The following PTPRN2 variants were observed in gnomAD, a reference collection of about 807,000 sequenced individuals.
PTPRN2 encodes receptor-type tyrosine-protein phosphatase N2.
PTPRN2 carries 74 observed loss-of-function variants against 118.8 expected under a neutral mutation model. The observed-to-expected ratio is 0.62, with a 90% CI of 0.52 to 0.76. The LOEUF (loss-of-function observed/expected upper bound fraction) is 0.76, where lower values mean the gene tolerates loss of function less well. Among genes scored for constraint, PTPRN2 ranks in the 30% least tolerant of loss-of-function variants. The pLI is 0.00. For missense variants in PTPRN2, 1,481 were observed against 1,394.4 expected, an observed-to-expected ratio of 1.06 and a Z score of -0.99; for synonymous variants, 641 against 608.0, an observed-to-expected ratio of 1.05 and a Z score of -0.80.
intron 12 of PTPRN2, among the ~76,000 whole-genome samples, chr7:157,695,975 T>A (rs1797750567): frequency 6.7e-6 from 1 of 148,576 alleles, no homozygotes; most frequent in Non-Finnish European, 1.5e-5. Flanking sequence ...GCATACTGGG[T>A]CTTGGCAGAG....
chr7:157,939,412 T>C (rs1799912410), intron 11 of PTPRN2, among the ~76,000 whole-genome samples: 1 of 152,248 alleles, frequency 6.6e-6, no homozygotes. Context: ...AGAGCTGCTC[T>C]AGAGACCAGG....
intron 2 of PTPRN2, among the ~76,000 whole-genome samples, chr7:158,489,032 G>A (rs558381340): frequency 2.6e-5 from 4 of 152,252 alleles, no homozygotes; most frequent in Non-Finnish European, 5.9e-5. Flanking sequence ...TGCAGGACCC[G>A]CTGCTCGCCG....
chr7:158,257,237 C>T (rs532898222), intron 3 of PTPRN2, among the ~76,000 whole-genome samples: 2 of 152,314 alleles, frequency 1.3e-5, no homozygotes, highest in Admixed American at 6.5e-5. Flanking sequence ...GCTCAGGACG[C>T]AGTCAGACGC....
chr7:157,668,302 G>A (rs558131736), intron 13 of PTPRN2, among the ~76,000 whole-genome samples: 1 of 152,312 alleles, frequency 6.6e-6, no homozygotes, highest in East Asian at 1.9e-4. Context: ...TTACAGAGTG[G>A]AAATCACTCA....
At chr7:158,085,753 TGCCCATCCACACCCATGAC>T (rs1813335688) in intron 10 of PTPRN2, among the ~76,000 whole-genome samples, 3 of 108,656 alleles carry the variant, frequency 2.8e-5, no homozygotes, top group East Asian at 3.0e-4. Flanking sequence ...CATCCACACA[TGCCCATCCACACCCATGAC>T]GCCCATCCAC....
In PTPRN2 at chr7:157,861,414, G is replaced by A. The variant is rs567112501; in HGVS notation, c.1788+37259C>T. On this transcript the variant is annotated intron_variant, in intron 12 of 22. Coordinates refer to ENST00000389418, the MANE Select transcript of PTPRN2 (RefSeq NM_002847.5). This position sits in a 1 kb window ranked among gnomAD's most constrained non-coding sequence, Gnocchi z 5.8. ...GCAGTGGCTTCTGTGTTTTGCCGTC[G>A]AGGTGCAACATGCAGCTGGTGATGC... Among the ~76,000 whole-genome samples the A allele has an allele frequency of 2.5e-4, 38 of 152,334 alleles. No individual in the cohort carries two copies. Among genetic ancestry groups the A allele is most frequent in the Middle Eastern group, 3.4e-3 (1 of 294 alleles).
chr7:158,167,277 G>A lies in PTPRN2; in HGVS notation c.564C>T (p.Phe188=). The A allele has an allele frequency of 6.2e-7, 1 of 1,601,934 alleles. No homozygotes were observed. The highest frequency in any genetic ancestry group is 8.5e-7 in the Non-Finnish European group (1 of 1,173,654). Residue 188 remains phenylalanine (F), a synonymous_variant, in exon 6 of 23, where the codon TTC becomes TTT. Coordinates refer to ENST00000389418, the MANE Select transcript of PTPRN2 (RefSeq NM_002847.5). ...DRPPAEGDDR[F]SESILTYVAH... is the part of the protein sequence containing the mutation. ...CCACATAGGTCAGGATGCTCTCGGAGAAGCGGTCATCACCCTGAAGGAAAG... is the reference window on the plus strand; with the variant it reads ...CCACATAGGTCAGGATGCTCTCGGAAAAGCGGTCATCACCCTGAAGGAAAG...
intron 17 of PTPRN2, among the ~76,000 whole-genome samples, chr7:157,584,758 G>A (rs972701298): frequency 8.5e-5 from 13 of 152,336 alleles, no homozygotes; most frequent in Admixed American, 7.2e-4. Flanking sequence ...TCACTCCTTA[G>A]GAGCTCACCG....
At chr7:157,554,900 G>A (rs564406521) in intron 21 of PTPRN2, among the ~76,000 whole-genome samples, 1 of 151,602 alleles carries the variant, frequency 6.6e-6, no homozygotes, top group African/African-American at 2.4e-5. Context: ...GGTTTAATTC[G>A]AGTTGTCCAT....
Position 157,898,675 on chromosome 7 carries a change from AC to A in PTPRN2, c.1785del (p.Ser596ArgfsTer52), listed in dbSNP as rs1400688807. The A allele has an allele frequency of 6.3e-7, 1 of 1,594,450 alleles. No individual in the cohort carries two copies. Among genetic ancestry groups the A allele is most frequent in the Non-Finnish European group, 8.6e-7 (1 of 1,162,336 alleles). On this transcript the variant is annotated frameshift_variant, in exon 12 of 23. Transcript: ENST00000389418. LOFTEE classifies it high-confidence loss of function. ...ACGGCACCCCTTCTGTTACTCACCG[AC>A]CCGACTCCGGTTTGAAGAATTTTCA... The part of the protein sequence containing the change: ...SGLKILQTGV[G>X]SKSKLKFLPP...
intron 10 of PTPRN2, among the ~76,000 whole-genome samples, chr7:158,096,845 C>A (rs1414141278): frequency 2.0e-5 from 3 of 152,234 alleles, no homozygotes; most frequent in Non-Finnish European, 4.4e-5. Context: ...CATCCAGATG[C>A]AAATGCCATT....
intron 2 of PTPRN2, among the ~76,000 whole-genome samples, chr7:158,444,055 C>G (rs1003832532): frequency 6.6e-6 from 1 of 152,234 alleles, no homozygotes; most frequent in Non-Finnish European, 1.5e-5. Context: ...GGGTCCTGCC[C>G]TCTCCCACTG....
intron 12 of PTPRN2, among the ~76,000 whole-genome samples, chr7:157,713,153 C>G (rs571604757): frequency 4.6e-5 from 7 of 152,314 alleles, no homozygotes; most frequent in South Asian, 4.1e-4. Flanking sequence ...ATCTGATGGT[C>G]GCACTTGGGC....
rs1331293160 is a variant in PTPRN2, at chr7:157,682,915, G to A, written c.1811C>T (p.Pro604Leu). The stretch of plus-strand genomic sequence containing the variant: ...GGAGTCTTCTTGCTCCGCCTGAGGA[G>A]GCAGGAACTTGAGTTTGCTTTTCTG... ...VGSKSKLKFLPPQAEQEDSTK... is the reference protein window; with the variant it reads ...VGSKSKLKFLLPQAEQEDSTK... The change falls in exon 13 of 23, where the codon CCT becomes CTT. Residue 604 changes from proline to leucine, a missense_variant. Physicochemically the swap from Pro to Leu is moderately conservative, Grantham distance 98. Around this residue, in one of 3 missense-constraint regions of PTPRN2, gnomAD observed 1,115 missense variants for 994.2 expected, o/e 1.12. Transcript: ENST00000389418. The A allele has an allele frequency of 6.2e-7, 1 of 1,613,678 alleles. No individual in the cohort carries two copies. The highest frequency in any genetic ancestry group is 1.7e-5 in the Admixed American group (1 of 60,016).
At chr7:158,319,498 A>ACACG (rs1802677799) in intron 2 of PTPRN2, among the ~76,000 whole-genome samples, 2 of 32,772 alleles carry the variant, frequency 6.1e-5, no homozygotes, top group African/African-American at 2.5e-4. Flanking sequence ...TCACACTCAC[A>ACACG]CAGCCTCCCC....
chr7:158,172,489 A>G (rs1364275874), intron 5 of PTPRN2, among the ~76,000 whole-genome samples: 1 of 151,016 alleles, frequency 6.6e-6, no homozygotes, highest in Non-Finnish European at 1.5e-5. Flanking sequence ...CACCATCAGC[A>G]TCATCCCACC....
intron 2 of PTPRN2, among the ~76,000 whole-genome samples, chr7:158,368,367 A>T (rs1809690354): frequency 2.6e-5 from 4 of 152,168 alleles, no homozygotes; most frequent in Admixed American, 2.0e-4. Flanking sequence ...GACTACCTAA[A>T]GCTTTCATTA....
intron 2 of PTPRN2, among the ~76,000 whole-genome samples, chr7:158,372,626 CGG>C (rs1810158493): frequency 1.3e-5 from 2 of 149,808 alleles, no homozygotes; most frequent in Admixed American, 6.6e-5. Context: ...CGCTGGTCCC[CGG>C]AGCTGGTCCC....
intron 1 of PTPRN2, among the ~76,000 whole-genome samples, chr7:158,515,151 G>A (rs1403000576): frequency 2.6e-5 from 4 of 152,152 alleles, no homozygotes; most frequent in African/African-American, 4.8e-5. Flanking sequence ...CAAAGCGGCC[G>A]CGTGCACCAG....
Sources: allele counts gnomAD v4.1 joint callset (sites outside exome capture counted in the v4.1 genomes callset), GRCh38; gene constraint gnomAD v4.1.1; regional missense constraint gnomAD v4.1.1; non-coding constraint Gnocchi (gnomAD v3.1); transcripts MANE v1.5; gene names NCBI Gene and HGNC (gene_info 2026-07-23, HGNC 2026-07-21).